Variants in NSUN7 observed in about 807,000 individuals in gnomAD.
NSUN7 encodes the protein protein NSUN7.
In NSUN7, 39 loss-of-function variants were observed where a neutral mutation model predicts 58.5. The ratio of observed to expected loss-of-function variants is 0.67; its 90% CI spans 0.52 to 0.87. NSUN7 has a LOEUF of 0.87. Among genes scored for constraint, NSUN7 ranks in the 40% least tolerant of loss-of-function variants. The pLI is 0.00. For synonymous variants in NSUN7, 278 were observed against 303.7 expected (o/e 0.92, Z 0.88); for missense variants, 765 against 844.1 (o/e 0.91, Z 1.16).
Position 40,750,975 on chromosome 4 carries a change from T to G in NSUN7, c.282T>G (p.Ala94=). The stretch of plus-strand genomic sequence containing the variant: ...TTCAGCGTTTGTCTTATGAGCTGGC[T>G]TTCAGTGCCCTGAAATGTGAGTTGT... The part of the protein sequence containing the change: ...QSFQRLSYEL[A]FSALKYQDIL... Residue 94 remains alanine (A), a synonymous_variant, in exon 2 of 12, where the codon GCT becomes GCG. Transcript: ENST00000381782. 1 of 1,613,854 alleles carries G rather than the reference T, an allele frequency of 6.2e-7. No homozygotes were observed. The highest frequency in any genetic ancestry group is 1.1e-5 in the South Asian group (1 of 91,080).
intron 4 of NSUN7, among the ~76,000 whole-genome samples, chr4:40,766,354 CT>C (rs1741725432): frequency 1.3e-5 from 2 of 151,596 alleles, no homozygotes; most frequent in African/African-American, 4.9e-5. Flanking sequence ...TGGTTTTTGT[CT>C]TTGGTTCTGT....
chr4:40,752,691 A>G (rs1740895503), intron 2 of NSUN7, among the ~76,000 whole-genome samples: 1 of 152,096 alleles, frequency 6.6e-6, no homozygotes, highest in Admixed American at 6.6e-5. Context: ...AAGTGCTGGG[A>G]TTACAGGCGT....
rs752393180 is a variant in NSUN7, at chr4:40,774,312, A to C, written c.536A>C (p.His179Pro). 1 of 1,614,160 alleles carries C rather than the reference A, an allele frequency of 6.2e-7. No individual in the cohort carries two copies. The highest frequency in any genetic ancestry group is 1.7e-5 in the Admixed American group (1 of 60,024). Residue 179 changes from histidine (H) to proline (P), a missense_variant, in exon 5 of 12, where the codon CAT (histidine) becomes CCT (proline). Physicochemically the swap from His to Pro is moderately conservative, Grantham distance 77 (BLOSUM62 -2). Transcript: ENST00000381782. Reference sequence around the variant, plus strand: ...GCATTGGCAAGATGTCGAATCAAGCATGATGCCCTTTCAATTTACCACATC... The same window carrying C: ...GCATTGGCAAGATGTCGAATCAAGCCTGATGCCCTTTCAATTTACCACATC... ...AAALARCRIK[H>P]DALSIYHILP...
At position 40,775,028 on chromosome 4, in the gene NSUN7, C is replaced by T. The variant is rs1742200433; in HGVS notation, c.825+78C>T. 9.5e-6 allele frequency: 6 copies of T among 630,718 alleles called. No individual in the cohort carries two copies. In the East Asian group the frequency reaches 1.8e-4, roughly 18 times the overall value. 39.1% of individuals were successfully genotyped at this position (630,718 alleles called of 1,614,324 possible). Reference sequence around the variant, plus strand: ...GAACTTCTCCACTTAAAAATAAAACCTAACACTGTTTATATTTTTATAGAT... The same window carrying T: ...GAACTTCTCCACTTAAAAATAAAACTTAACACTGTTTATATTTTTATAGAT... On this transcript the variant is annotated intron_variant, in intron 6 of 11. Transcript: ENST00000381782. This position sits in a 1 kb window ranked among gnomAD's most constrained non-coding sequence, Gnocchi z 4.3.
chr4:40,806,949 G>C (rs1743829489), intron 10 of NSUN7, 112 bp from the exon 11 acceptor site: 1 of 1,124,008 alleles, frequency 8.9e-7, no homozygotes, highest in African/African-American at 1.6e-5. Context: ...TGGAATTTCT[G>C]TTTAAACGAT....
chr4:40,753,341 A>G (rs982734979), intron 2 of NSUN7, among the ~76,000 whole-genome samples: 12 of 151,626 alleles, frequency 7.9e-5, no homozygotes, highest in Admixed American at 7.2e-4. Flanking sequence ...CAATGGCACA[A>G]TCTAGGCTCA....
At chr4:40,789,429 G>A (rs1203798549) in intron 7 of NSUN7, among the ~76,000 whole-genome samples, 2 of 152,188 alleles carry the variant, frequency 1.3e-5, no homozygotes, top group Non-Finnish European at 2.9e-5. Flanking sequence ...GTGTGAGACT[G>A]TTGGGAAATG....
intron 1 of NSUN7, 87 bp downstream of exon 1, chr4:40,750,387 A>T: frequency 3.4e-6 from 1 of 290,964 alleles, no homozygotes; most frequent in South Asian, 4.7e-5. Flanking sequence ...GACTGGCTTG[A>T]GGGAAGCCGT....
Position 40,808,961 on chromosome 4 carries a change from G to T in NSUN7, c.*22G>T. ...TTGATTGTCTTGTGTTTTTTATAGG[G>T]GCCAAAGAGCAGTTGATTTTTTTTC... On this transcript the variant is annotated 3_prime_UTR_variant, in exon 12 of 12. Transcript: ENST00000381782. 6.7e-7 allele frequency: 1 copy of T among 1,482,816 alleles called. No individual in the cohort carries two copies. Among genetic ancestry groups the T allele is most frequent in the South Asian group, 1.3e-5 (1 of 76,390 alleles). The allele number at this position is 1,482,816 out of a possible 1,614,324, so 91.9% of individuals were successfully genotyped here.
rs1560567993 is a variant in NSUN7 at position 40,808,610 on chromosome 4, G to GC, written c.1834dup (p.His612ProfsTer18). On this transcript the variant is annotated frameshift_variant, in exon 12 of 12. Coordinates refer to ENST00000381782, the MANE Select transcript of NSUN7 (RefSeq NM_024677.6). LOFTEE classifies it low-confidence loss of function (END_TRUNC). ...ACAGACCAGAAAACCCAACAAGCTGGCCCCCCATCCTGCAGTGCCTGCATT... is the reference window on the plus strand; with the variant it reads ...ACAGACCAGAAAACCCAACAAGCTGGCCCCCCCATCCTGCAGTGCCTGCATT... The GC allele has an allele frequency of 5.2e-6, 8 of 1,551,592 alleles. No homozygotes were observed. In the South Asian group the frequency reaches 9.5e-5, roughly 18 times the overall value.
At chr4:40,768,050 TGG>T (rs1741821208) in intron 4 of NSUN7, among the ~76,000 whole-genome samples, 1 of 152,128 alleles carries the variant, frequency 6.6e-6, no homozygotes, top group Non-Finnish European at 1.5e-5. Context: ...GCCAATGAAG[TGG>T]TATTCTAAAC....
chr4:40,808,053 ATC>A lies in NSUN7; in HGVS notation c.1525-252_1525-251del, dbSNP rs1252354971. On this transcript the variant is annotated intron_variant, in intron 11 of 11. Coordinates refer to ENST00000381782, the MANE Select transcript of NSUN7 (RefSeq NM_024677.6). ...TCAAAAAAAAAAAAAAAAAAAAAAA[ATC>A]TGTGTGATTCTTTTTTTCTATCAGG... Among the ~76,000 whole-genome samples the A allele has an allele frequency of 4.1e-5, 6 of 145,694 alleles. No individual in the cohort carries two copies. In the East Asian group the frequency reaches 1.2e-3, roughly 29 times the overall value.
Position 40,779,660 on chromosome 4 carries a change from A to G in NSUN7, c.1036+3401A>G, listed in dbSNP as rs555669281. Among the ~76,000 whole-genome samples, 143 of 152,292 alleles carry G rather than the reference A, an allele frequency of 9.4e-4. 1 individual carries two copies. Among genetic ancestry groups the G allele is most frequent in the South Asian group, 3.9e-3 (19 of 4,826 alleles). ...TGCTGAAAGAAATGAAGAAAAATAC[A>G]AAAGTTAAGTACATAGGTAAATCTA... On this transcript the variant is annotated intron_variant, in intron 7 of 11. Transcript: ENST00000381782.
chr4:40,774,333 A>C lies in NSUN7; in HGVS notation c.557A>C (p.His186Pro). 2 of 1,614,016 alleles carry C rather than the reference A, an allele frequency of 1.2e-6. No homozygotes were observed. Among genetic ancestry groups the C allele is most frequent in the Non-Finnish European group, 1.7e-6 (2 of 1,179,876 alleles). ...AAGCATGATGCCCTTTCAATTTACC[A>C]CATCCTTCCAGAAACAGTTAGGAAA... ...RIKHDALSIYHILPETVRKQE... is the reference protein window; with the variant it reads ...RIKHDALSIYPILPETVRKQE... The change falls in exon 5 of 12, where the codon CAC becomes CCC. Residue 186 changes from histidine to proline, a missense_variant. Physicochemically the swap from His to Pro is moderately conservative, Grantham distance 77 (BLOSUM62 -2). Transcript: ENST00000381782.
In NSUN7 at chr4:40,807,098, G is replaced by GAA. The variant is rs746537945; in HGVS notation, c.1440_1441dup (p.Ile481LysfsTer26). On this transcript the variant is annotated frameshift_variant, in exon 11 of 12. Transcript: ENST00000381782. LOFTEE classifies it high-confidence loss of function. ...TGTTCTTCCACTGTGCTCCTTAAAGGAAATTCAATTGTCTACTGATAAATT... is the reference window on the plus strand; with the variant it reads ...TGTTCTTCCACTGTGCTCCTTAAAGGAAAAATTCAATTGTCTACTGATAAATT... 45 of 1,551,530 alleles carry GAA rather than the reference G, an allele frequency of 2.9e-5. No individual in the cohort carries two copies. Among genetic ancestry groups the GAA allele is most frequent in the Middle Eastern group, 1.7e-4 (1 of 6,012 alleles).
At chr4:40,805,780 C>G (rs578182678) in intron 10 of NSUN7, among the ~76,000 whole-genome samples, 21 of 152,246 alleles carry the variant, frequency 1.4e-4, no homozygotes. Flanking sequence ...GCTCTCCCAG[C>G]TTGTGGTGGT....
rs1744034168 is a variant in NSUN7, at chr4:40,809,057, C to T, written c.*118C>T. 2 of 1,045,150 alleles carry T rather than the reference C, an allele frequency of 1.9e-6. No homozygotes were observed. The highest frequency in any genetic ancestry group is 5.9e-5 in the Admixed American group (2 of 33,662). The allele number at this position is 1,045,150 out of a possible 1,614,324, so 64.7% of individuals were successfully genotyped here. A position where few individuals can be genotyped will look rare whatever the true frequency, so the allele number is the denominator to read the frequency against. Reference sequence around the variant, plus strand: ...TTCATTCTTTTGGTCACCTAGGGATCTTCTAAGTGTGATATTACTTTCAGA... The same window carrying T: ...TTCATTCTTTTGGTCACCTAGGGATTTTCTAAGTGTGATATTACTTTCAGA... On this transcript the variant is annotated 3_prime_UTR_variant, in exon 12 of 12. Coordinates refer to ENST00000381782, the MANE Select transcript of NSUN7 (RefSeq NM_024677.6).
At chr4:40,797,813 A>G (rs1323510453) in intron 9 of NSUN7, among the ~76,000 whole-genome samples, 1 of 152,204 alleles carries the variant, frequency 6.6e-6, no homozygotes, top group Admixed American at 6.5e-5. Context: ...CCGGTGGCCC[A>G]CAAGTCCCTG....
At chr4:40,788,362 A>G (rs1560559024) in intron 7 of NSUN7, among the ~76,000 whole-genome samples, 1 of 152,218 alleles carries the variant, frequency 6.6e-6, no homozygotes, top group Non-Finnish European at 1.5e-5. Flanking sequence ...GGTAGTAAAG[A>G]AATCTAAAAG....
Sources: gnomAD v4.1 joint callset for allele counts (sites outside exome capture counted in the v4.1 genomes callset) on GRCh38, gnomAD v4.1.1 for gene constraint, Gnocchi (gnomAD v3.1) non-coding constraint, MANE v1.5 for transcripts, NCBI Gene and HGNC (gene_info 2026-07-23, HGNC 2026-07-21) for gene names.